CHD5: variants seen among roughly 807,000 people sequenced by gnomAD.
CHD5 encodes chromodomain helicase DNA binding protein 5, also known as ATP-dependent chromatin remodeler CHD5.
CHD5 carries 69 observed loss-of-function variants against 230.3 expected under a neutral mutation model. That is an observed-to-expected ratio of 0.30 (90% CI 0.25 to 0.37). The LOEUF (loss-of-function observed/expected upper bound fraction) is 0.37, where lower values mean the gene tolerates loss of function less well. Ranked by LOEUF, CHD5 falls within the 10% of genes least tolerant of loss-of-function variation. The pLI, the probability that CHD5 is intolerant of heterozygous loss-of-function variation, is 1.00. For missense variants in CHD5, 1,827 were observed against 2,622.8 expected, an observed-to-expected ratio of 0.70 and a Z score of 6.63; for synonymous variants, 1,064 against 1,065.9, an observed-to-expected ratio of 1.00 and a Z score of 0.03.
intron 2 of CHD5, among the ~76,000 whole-genome samples, chr1:6,166,342 G>T (rs1052529255): frequency 6.6e-6 from 1 of 151,884 alleles, no homozygotes; most frequent in Admixed American, 6.5e-5. Flanking sequence ...GGGGGCCGTG[G>T]GGCACAGTCA....
chr1:6,170,727 G>A (rs578010885), intron 1 of CHD5, among the ~76,000 whole-genome samples: 52 of 152,324 alleles, frequency 3.4e-4, no homozygotes, highest in Admixed American at 1.2e-3. Flanking sequence ...TGCTCCGGCT[G>A]ACCCCACCCC....
At chr1:6,164,722 A>G (rs139598617) in intron 2 of CHD5, among the ~76,000 whole-genome samples, 4 of 152,268 alleles carry the variant, frequency 2.6e-5, no homozygotes, top group African/African-American at 9.6e-5. Context: ...ACCCCTTAAG[A>G]TCTGACAGCT....
intron 2 of CHD5, among the ~76,000 whole-genome samples, chr1:6,161,655 C>A (rs959883445): frequency 1.1e-4 from 17 of 152,106 alleles, no homozygotes; most frequent in Non-Finnish European, 2.4e-4. Context: ...CGGCCTCGGT[C>A]CTTTGGGGAG....
intron 7 of CHD5, among the ~76,000 whole-genome samples, chr1:6,150,467 C>T (rs11804734): frequency 0.33 from 25,046 of 76,102 alleles, 2,447 homozygotes; most frequent in East Asian, 0.48. Flanking sequence ...GATGGATGGA[C>T]GGACGGACGG....
At chr1:6,135,985 G>C (rs1418968167) in intron 17 of CHD5, among the ~76,000 whole-genome samples, 4 of 151,712 alleles carry the variant, frequency 2.6e-5, no homozygotes, top group Middle Eastern at 3.4e-3. Context: ...ACTCTGGCCT[G>C]GGTGACAGAG....
At chr1:6,115,429 G>GAC (rs1338272592) in intron 33 of CHD5, among the ~76,000 whole-genome samples, 2 of 152,030 alleles carry the variant, frequency 1.3e-5, no homozygotes, top group Non-Finnish European at 2.9e-5. Context: ...TTTGCGGCAC[G>GAC]GGTGACCTTA....
intron 8 of CHD5, 21 bp from the exon 9 acceptor site, chr1:6,149,096 G>C (rs376604886): frequency 6.7e-7 from 1 of 1,486,386 alleles, no homozygotes; most frequent in South Asian, 1.4e-5. Context: ...AGGCCAGGTG[G>C]AGGCACCCTG....
Position 6,109,780 on chromosome 1 carries a change from G to T in CHD5, c.5578+15C>A, listed in dbSNP as rs777003332. The T allele has an allele frequency of 6.2e-7, 1 of 1,608,328 alleles. No individual in the cohort carries two copies. Among genetic ancestry groups the T allele is most frequent in the Non-Finnish European group, 8.5e-7 (1 of 1,177,478 alleles). ...AGGGCGGGGGGCTGCACCGTGGGGGGCAGGACTTGCTCACCCTTGTGCAGG... is the reference window on the plus strand; with the variant it reads ...AGGGCGGGGGGCTGCACCGTGGGGGTCAGGACTTGCTCACCCTTGTGCAGG... On this transcript the variant is annotated intron_variant, in intron 38 of 41. Coordinates refer to ENST00000262450, the MANE Select transcript of CHD5 (RefSeq NM_015557.3).
chr1:6,107,529 AGATGGAGG>A (rs1187917130), intron 38 of CHD5, among the ~76,000 whole-genome samples: 1 of 38,440 alleles, frequency 2.6e-5, no homozygotes, highest in Non-Finnish European at 4.7e-5. Flanking sequence ...AGCGGTGGAG[AGATGGAGG>A]GATGGAGGGA....
At chr1:6,156,179 G>C (rs1180670935) in intron 3 of CHD5, among the ~76,000 whole-genome samples, 1 of 152,240 alleles carries the variant, frequency 6.6e-6, no homozygotes, top group Non-Finnish European at 1.5e-5. Context: ...GTGGCCTGAA[G>C]ACGGGAAGAT....
At position 6,154,627 on chromosome 1, in the gene CHD5, C is replaced by T. The variant is rs188734432; in HGVS notation, c.745+33G>A. On this transcript the variant is annotated intron_variant, in intron 5 of 41. Coordinates refer to ENST00000262450, the MANE Select transcript of CHD5 (RefSeq NM_015557.3). This position sits in a 1 kb window ranked among gnomAD's most constrained non-coding sequence, Gnocchi z 7.0. ...GGGTCTGAAAGGGACCTCTTCCCAG[C>T]GGGACTAGGTGCCCACCCAACCCCA... 1.8e-4 allele frequency: 269 copies of T among 1,518,008 alleles called. 1 individual carries two copies. In the African/African-American group the frequency reaches 3.2e-3, roughly 18 times the overall value. 94.0% of individuals were successfully genotyped at this position (1,518,008 alleles called of 1,614,324 possible). A position where few individuals can be genotyped will look rare whatever the true frequency, so the allele number is the denominator to read the frequency against.
chr1:6,128,489 T>TG lies in CHD5; in HGVS notation c.3730+9dup. The TG allele has an allele frequency of 6.2e-7, 1 of 1,603,596 alleles. No homozygotes were observed. The highest frequency in any genetic ancestry group is 1.3e-5 in the African/African-American group (1 of 74,802). On this transcript the variant is annotated intron_variant, in intron 24 of 41. Transcript: ENST00000262450. This position sits in a 1 kb window ranked among gnomAD's most constrained non-coding sequence, Gnocchi z 7.8. ...AGGAGGAGCTGAGGCTGGGCTGGGTTGGCCCCTACCTGGCGGGGTGCTACC... is the reference window on the plus strand; with the variant it reads ...AGGAGGAGCTGAGGCTGGGCTGGGTTGGGCCCCTACCTGGCGGGGTGCTACC...
intron 17 of CHD5, 100 bp downstream of exon 17, chr1:6,136,417 C>T (rs987852819): frequency 1.6e-5 from 22 of 1,382,010 alleles, no homozygotes; most frequent in South Asian, 5.2e-5. Flanking sequence ...GAGGAAGCAA[C>T]GGCCGAGCAG....
chr1:6,107,170 G>T, intron 38 of CHD5, among the ~76,000 whole-genome samples: 1 of 144,698 alleles, frequency 6.9e-6, no homozygotes, highest in African/African-American at 2.6e-5. Flanking sequence ...GGGATGGAGG[G>T]AAGGTGGAGG....
rs1471170080 is a variant in CHD5, at chr1:6,131,933, G to A, written c.3145-185C>T. On this transcript the variant is annotated intron_variant, in intron 20 of 41. Transcript: ENST00000262450. The surrounding 1 kb of genome is among the most constrained non-coding windows in gnomAD (Gnocchi z 5.0). ...AAAGCTTCCAACCTCACCCCTTGGA[G>A]CCAATCCATCCTCCTGCCTAGCCCC... Among the ~76,000 whole-genome samples, 1 of 152,168 alleles carries A rather than the reference G, an allele frequency of 6.6e-6. No homozygotes were observed. The highest frequency in any genetic ancestry group is 2.4e-5 in the African/African-American group (1 of 41,440).
chr1:6,136,705 G>A (rs764662324), intron 16 of CHD5, 23 bp downstream of exon 16: 3 of 1,610,916 alleles, frequency 1.9e-6, no homozygotes, highest in Non-Finnish European at 2.5e-6. Context: ...AAGCTCTGGG[G>A]TCTGGCGGCC....
At chr1:6,144,188 G>A in intron 11 of CHD5, 33 bp from the exon 12 acceptor site, 1 of 1,613,298 alleles carries the variant, frequency 6.2e-7, no homozygotes, top group Non-Finnish European at 8.5e-7. Context: ...GGGTCGCTCA[G>A]AGCAGTGGCC....
At chr1:6,160,393 G>A (rs1412044514) in intron 2 of CHD5, among the ~76,000 whole-genome samples, 1 of 112,114 alleles carries the variant, frequency 8.9e-6, no homozygotes. Flanking sequence ...CCCTAGCCAG[G>A]GAAGGGCCCC....
At chr1:6,174,712 T>C (rs1030924760) in intron 1 of CHD5, among the ~76,000 whole-genome samples, 3 of 131,452 alleles carry the variant, frequency 2.3e-5, no homozygotes, top group South Asian at 2.5e-4. Context: ...GATGAATGGA[T>C]GGTGGATGGA....
Sources: allele counts gnomAD v4.1 joint callset (sites outside exome capture counted in the v4.1 genomes callset), GRCh38; gene constraint gnomAD v4.1.1; non-coding constraint Gnocchi (gnomAD v3.1); transcripts MANE v1.5; gene names NCBI Gene and HGNC (gene_info 2026-07-23, HGNC 2026-07-21).